Variants in ELMO1 observed in about 807,000 individuals in gnomAD.
ELMO1 encodes the protein engulfment and cell motility protein 1.
ELMO1 carries 26 observed loss-of-function variants against 98.9 expected under a neutral mutation model. That is an observed-to-expected ratio of 0.26 (90% CI 0.19 to 0.36). The LOEUF (loss-of-function observed/expected upper bound fraction) is 0.36, where lower values mean the gene tolerates loss of function less well. ELMO1 is among the 10% of genes least tolerant of loss of function. The pLI, the probability that ELMO1 is intolerant of heterozygous loss-of-function variation, is 1.00. For synonymous variants in ELMO1, 346 were observed against 346.0 expected (o/e 1.00, Z 0.00); for missense variants, 627 against 935.2 (o/e 0.67, Z 4.30).
chr7:37,180,749 T>C (rs574792392), intron 13 of ELMO1, among the ~76,000 whole-genome samples: 3 of 151,896 alleles, frequency 2.0e-5, no homozygotes, highest in Non-Finnish European at 4.4e-5. Context: ...CTCTAAAGTG[T>C]TTTTTTGGGG....
At chr7:37,226,743 G>T (rs1376614690) in intron 8 of ELMO1, among the ~76,000 whole-genome samples, 1 of 152,092 alleles carries the variant, frequency 6.6e-6, no homozygotes. Flanking sequence ...AGCTGTTGCT[G>T]ATATTGTCAA....
intron 15 of ELMO1, among the ~76,000 whole-genome samples, chr7:37,070,942 A>G (rs1797236483): frequency 1.3e-5 from 2 of 152,204 alleles, no homozygotes; most frequent in South Asian, 4.1e-4. Context: ...TATGTCAATG[A>G]GCCTAGATTT....
intron 16 of ELMO1, among the ~76,000 whole-genome samples, chr7:37,012,847 A>G (rs973386935): frequency 1.3e-5 from 2 of 152,304 alleles, no homozygotes; most frequent in African/African-American, 4.8e-5. Flanking sequence ...AGATGATCAC[A>G]ACACATCCAT....
At chr7:37,381,094 C>T (rs1205417362) in intron 1 of ELMO1, among the ~76,000 whole-genome samples, 1 of 152,238 alleles carries the variant, frequency 6.6e-6, no homozygotes, top group Non-Finnish European at 1.5e-5. Flanking sequence ...CATTGCTCTG[C>T]TCATCCACAA....
intron 5 of ELMO1, among the ~76,000 whole-genome samples, chr7:37,260,019 C>A (rs1011979968): frequency 6.6e-6 from 1 of 152,174 alleles, no homozygotes; most frequent in Admixed American, 6.5e-5. Flanking sequence ...TTGCACTTGG[C>A]TTCTACATGC....
chr7:37,050,083 T>G (rs564036187), intron 15 of ELMO1, among the ~76,000 whole-genome samples: 1 of 152,088 alleles, frequency 6.6e-6, no homozygotes, highest in African/African-American at 2.4e-5. Flanking sequence ...CCCAGCCTTT[T>G]TTGTTTGTTT....
chr7:37,324,694 G>A (rs1799705349), intron 2 of ELMO1, among the ~76,000 whole-genome samples: 1 of 152,170 alleles, frequency 6.6e-6, no homozygotes, highest in African/African-American at 2.4e-5. Context: ...GGATTCTCCT[G>A]TCTTAGCCTC....
At chr7:37,331,316 C>G (rs1298380385) in intron 2 of ELMO1, among the ~76,000 whole-genome samples, 1 of 147,984 alleles carries the variant, frequency 6.8e-6, no homozygotes, top group African/African-American at 2.5e-5. Context: ...ACTACAGGCG[C>G]CAGCCGCCAC....
intron 1 of ELMO1, among the ~76,000 whole-genome samples, chr7:37,420,938 T>G (rs1804446342): frequency 6.6e-6 from 1 of 151,494 alleles, no homozygotes; most frequent in African/African-American, 2.4e-5. Flanking sequence ...GCAAGCAAAC[T>G]GATTTACACC....
At chr7:37,341,267 CT>C (rs1472181070) in intron 2 of ELMO1, among the ~76,000 whole-genome samples, 1 of 152,230 alleles carries the variant, frequency 6.6e-6, no homozygotes, top group African/African-American at 2.4e-5. Context: ...CAACTTCCAT[CT>C]CACTGAAGCC....
chr7:36,925,362 T>G (rs1785482180), intron 16 of ELMO1, among the ~76,000 whole-genome samples: 1 of 152,196 alleles, frequency 6.6e-6, no homozygotes, highest in Non-Finnish European at 1.5e-5. Context: ...AATCTATACA[T>G]AGCTCCCAGC....
intron 15 of ELMO1, among the ~76,000 whole-genome samples, chr7:37,053,649 G>C (rs1796240001): frequency 6.6e-6 from 1 of 152,070 alleles, no homozygotes. Flanking sequence ...TCCCTCCTTG[G>C]ATCTGGAAAC....
intron 16 of ELMO1, among the ~76,000 whole-genome samples, chr7:36,958,626 C>T (rs768072421): frequency 6.6e-6 from 1 of 152,216 alleles, no homozygotes; most frequent in African/African-American, 2.4e-5. Context: ...CACTTGCCAT[C>T]TTCATTTTAC....
intron 13 of ELMO1, among the ~76,000 whole-genome samples, chr7:37,173,725 TAGAGA>T (rs1790328075): frequency 1.3e-5 from 2 of 152,242 alleles, no homozygotes; most frequent in Non-Finnish European, 2.9e-5. Context: ...AAAACTTATA[TAGAGA>T]AGAGAAAAGA....
intron 16 of ELMO1, among the ~76,000 whole-genome samples, chr7:36,974,977 G>A (rs959053697): frequency 6.6e-6 from 1 of 151,856 alleles, no homozygotes; most frequent in Non-Finnish European, 1.5e-5. Flanking sequence ...AAGAAACTCT[G>A]AACACATCTG....
At chr7:37,225,152 G>T in intron 8 of ELMO1, 122 bp from the exon 9 acceptor site, 1 of 1,129,458 alleles carries the variant, frequency 8.9e-7, no homozygotes, top group South Asian at 1.5e-5. Context: ...AGGATGACCT[G>T]GAATTACAGC....
chr7:37,294,600 T>C (rs973343753), intron 4 of ELMO1, among the ~76,000 whole-genome samples: 4 of 152,192 alleles, frequency 2.6e-5, no homozygotes, highest in Non-Finnish European at 5.9e-5. Context: ...CACAAATACA[T>C]GCATAGTACA....
At chr7:37,050,661 A>AC (rs1562922933) in intron 15 of ELMO1, among the ~76,000 whole-genome samples, 74 of 116,776 alleles carry the variant, frequency 6.3e-4, no homozygotes, top group African/African-American at 2.1e-3. Context: ...CACACACACA[A>AC]AAGGTAACTA....
intron 15 of ELMO1, among the ~76,000 whole-genome samples, chr7:37,058,134 T>C (rs1162541795): frequency 6.6e-6 from 1 of 152,310 alleles, no homozygotes; most frequent in East Asian, 1.9e-4. Context: ...TACTGAACAG[T>C]GAAACTCCAC....
Sources: allele counts gnomAD v4.1 joint callset (sites outside exome capture counted in the v4.1 genomes callset), GRCh38; gene constraint gnomAD v4.1.1; transcripts MANE v1.5; gene names NCBI Gene and HGNC (gene_info 2026-07-23, HGNC 2026-07-21).